The following ST7L variants were observed in gnomAD, a reference collection of about 807,000 sequenced individuals.
ST7L encodes the protein suppression of tumorigenicity 7 like.
A neutral mutation model predicts 72.5 loss-of-function variants in ST7L; 57 were observed. That is an observed-to-expected ratio of 0.79 (90% CI 0.64 to 0.98). The LOEUF (loss-of-function observed/expected upper bound fraction) is 0.98. Among genes scored for constraint, ST7L ranks in the 50% least tolerant of loss-of-function variants. ST7L has a pLI of 0.00. For missense variants in ST7L, 576 were observed against 672.2 expected, an observed-to-expected ratio of 0.86 and a Z score of 1.58; for synonymous variants, 221 against 240.9, an observed-to-expected ratio of 0.92 and a Z score of 0.77.
intron 11 of ST7L, among the ~76,000 whole-genome samples, chr1:112,570,047 G>A (rs1379291323): frequency 1.3e-5 from 2 of 151,236 alleles, no homozygotes; most frequent in African/African-American, 4.9e-5. Flanking sequence ...ACAGAATGCA[G>A]TGGAATATTT....
Position 112,600,827 on chromosome 1 carries a change from G to C in ST7L, c.473C>G (p.Pro158Arg). ...NLSECKVWRN[P>R]LNLFRGAEYR... ...TTCTGCTCCTCTGAAAAGATTTAGA[G>C]GGTTTCTCCATACCTTACATTCTGA... The change falls in exon 4 of 15, where the codon CCT (proline) becomes CGT (arginine). Residue 158 changes from proline to arginine, a missense_variant. Transcript: ENST00000358039. The C allele has an allele frequency of 6.2e-7, 1 of 1,610,396 alleles. No homozygotes were observed. Among genetic ancestry groups the C allele is most frequent in the Non-Finnish European group, 8.5e-7 (1 of 1,177,946 alleles).
In ST7L at chr1:112,577,072, C is replaced by A; in HGVS notation, c.1159G>T (p.Ala387Ser). 1.3e-6 allele frequency: 2 copies of A among 1,595,726 alleles called. No homozygotes were observed. Reference sequence around the variant, plus strand: ...GCTGTGCTTAATCCTCTTCTGGAGGCTGTTTCTGGAGAGAATCTACAAGAA... The same window carrying A: ...GCTGTGCTTAATCCTCTTCTGGAGGATGTTTCTGGAGAGAATCTACAAGAA... ...TVSEKFSPET[A>S]SRRGLSTAEI... The change falls in exon 11 of 15, where the codon GCC (alanine) becomes TCC (serine). Residue 387 changes from alanine to serine, a missense_variant. Ala to Ser is a moderately conservative substitution (Grantham distance 99, BLOSUM62 1). This residue lies in a region of ST7L where 511 missense variants were observed against 600.7 expected (regional missense o/e 0.85). Coordinates refer to ENST00000358039, the MANE Select transcript of ST7L (RefSeq NM_017744.5).
rs200923730 is a variant in ST7L, at chr1:112,542,813, T to A, written c.1490-723A>T. Among the ~76,000 whole-genome samples the A allele has an allele frequency of 4.2e-3, 637 of 150,488 alleles. 13 individuals carry two copies. The East Asian group carries it at 0.072, about 17-fold the overall frequency. On this transcript the variant is annotated intron_variant, in intron 13 of 14. Transcript: ENST00000358039. Reference sequence around the variant, plus strand: ...TACATTTGAGTTGCTACTTTTTTTTTTGAAGAAGAAGAGTCTCGCTCTGTT... The same window carrying A: ...TACATTTGAGTTGCTACTTTTTTTTATGAAGAAGAAGAGTCTCGCTCTGTT...
At chr1:112,518,599 C>T (rs1652694078), downstream of ST7L, among the ~76,000 whole-genome samples, 1 of 152,170 alleles carries the variant, frequency 6.6e-6, no homozygotes, top group South Asian at 2.1e-4. Flanking sequence ...TGGTCTAATT[C>T]AGAGGGTCAC....
At position 112,600,843 on chromosome 1, in the gene ST7L, T is replaced by C. The variant is rs1204090223; in HGVS notation, c.457A>G (p.Lys153Glu). Residue 153 changes from lysine (K) to glutamate (E), a missense_variant, in exon 4 of 15, where the codon AAG becomes GAG. Transcript: ENST00000358039. Reference sequence around the variant, plus strand: ...AGATTTAGAGGGTTTCTCCATACCTTACATTCTGAAAAACAAGGGAGAAAA... The same window carrying C: ...AGATTTAGAGGGTTTCTCCATACCTCACATTCTGAAAAACAAGGGAGAAAA... ...ETSRQNLSEC[K>E]VWRNPLNLFR... 5.6e-6 allele frequency: 9 copies of C among 1,608,240 alleles called. No individual in the cohort carries two copies. The highest frequency in any genetic ancestry group is 3.4e-5 in the Admixed American group (2 of 59,286).
chr1:112,554,096 G>A (rs140534787), intron 12 of ST7L, among the ~76,000 whole-genome samples: 1,710 of 152,268 alleles, frequency 0.011, 14 homozygotes, highest in Non-Finnish European at 0.018. Flanking sequence ...AATATCCAAG[G>A]TGCCTCAGAG....
chr1:112,548,262 G>A (rs934868981), intron 13 of ST7L, among the ~76,000 whole-genome samples: 10 of 152,114 alleles, frequency 6.6e-5, no homozygotes, highest in Admixed American at 4.6e-4. Flanking sequence ...GGAGGTTGAG[G>A]CAGGAGAATC....
At chr1:112,579,291 GGA>G (rs2101851018) in intron 9 of ST7L, among the ~76,000 whole-genome samples, 2 of 150,690 alleles carry the variant, frequency 1.3e-5, no homozygotes, top group South Asian at 4.2e-4. Context: ...GGCTGAGGCA[GGA>G]GAATCACTTG....
chr1:112,535,397 G>T (rs7548321), intron 14 of ST7L, among the ~76,000 whole-genome samples: 96,934 of 144,784 alleles, frequency 0.67, 32,351 homozygotes, highest in African/African-American at 0.76. Context: ...ATAATAATAA[G>T]AAGAAGAAGA....
chr1:112,526,212 C>T, intron 14 of ST7L, 101 bp from the exon 15 acceptor site: 1 of 1,498,544 alleles, frequency 6.7e-7, no homozygotes, highest in Non-Finnish European at 9.0e-7. Context: ...ACAGCCTAGG[C>T]CCTCCTGAAC....
chr1:112,606,941 T>C (rs1668339700), intron 3 of ST7L, among the ~76,000 whole-genome samples: 1 of 152,208 alleles, frequency 6.6e-6, no homozygotes, highest in African/African-American at 2.4e-5. Flanking sequence ...CATTAGAGGT[T>C]AGAGTTTCAA....
intron 11 of ST7L, among the ~76,000 whole-genome samples, chr1:112,569,488 TGCATAAA>T (rs1661686647): frequency 6.6e-6 from 1 of 152,186 alleles, no homozygotes; most frequent in Admixed American, 6.5e-5. Context: ...AATAGGCAAA[TGCATAAA>T]GACAGAAAGT....
intron 2 of ST7L, among the ~76,000 whole-genome samples, chr1:112,615,147 G>A (rs1285217176): frequency 6.6e-6 from 1 of 151,850 alleles, no homozygotes; most frequent in Non-Finnish European, 1.5e-5. Context: ...CTATAGGTGC[G>A]CCACACACGC....
intron 8 of ST7L, 87 bp downstream of exon 8, chr1:112,582,288 G>T: frequency 9.8e-7 from 1 of 1,024,858 alleles, no homozygotes; most frequent in Non-Finnish European, 1.5e-6. Flanking sequence ...AAAATACAAT[G>T]ATTCTGCATT....
chr1:112,593,167 T>C (rs892162865), intron 5 of ST7L, among the ~76,000 whole-genome samples: 2 of 152,216 alleles, frequency 1.3e-5, no homozygotes, highest in African/African-American at 4.8e-5. Context: ...TTAAATATTT[T>C]ATCTTATTCT....
intron 11 of ST7L, among the ~76,000 whole-genome samples, chr1:112,574,532 G>A (rs529982183): frequency 1.0e-3 from 155 of 151,504 alleles, no homozygotes; most frequent in Non-Finnish European, 1.9e-3. Flanking sequence ...GGTGGCGGGC[G>A]CCTGCAGTCT....
At chr1:112,579,181 G>C (rs1267962235) in intron 9 of ST7L, among the ~76,000 whole-genome samples, 1 of 151,862 alleles carries the variant, frequency 6.6e-6, no homozygotes, top group African/African-American at 2.4e-5. Context: ...TCAGGAGTTC[G>C]AGACCAACCT....
downstream of ST7L, among the ~76,000 whole-genome samples, chr1:112,519,885 T>C (rs1652766998): frequency 6.7e-6 from 1 of 149,320 alleles, no homozygotes; most frequent in Non-Finnish European, 1.5e-5. Context: ...TTTTTTTTTT[T>C]TTTTTTTGGA....
chr1:112,553,921 T>C (rs1037019558), intron 12 of ST7L, among the ~76,000 whole-genome samples: 14 of 152,232 alleles, frequency 9.2e-5, no homozygotes, highest in Non-Finnish European at 1.9e-4. Context: ...CAAGCTGGAA[T>C]ATAGTAGTGC....
Sources: allele counts gnomAD v4.1 joint callset (sites outside exome capture counted in the v4.1 genomes callset), GRCh38; gene constraint gnomAD v4.1.1; regional missense constraint gnomAD v4.1.1; transcripts MANE v1.5; gene names NCBI Gene and HGNC (gene_info 2026-07-23, HGNC 2026-07-21).